Variants in ARAP2 observed in about 807,000 individuals in gnomAD.
The protein encoded by ARAP2 is ArfGAP with RhoGAP domain, ankyrin repeat and PH domain 2, also known as arf-GAP with Rho-GAP domain, ANK repeat and PH domain-containing protein 2.
In ARAP2, 148 loss-of-function variants were observed where a neutral mutation model predicts 194.5. The ratio of observed to expected loss-of-function variants is 0.76; its 90% CI spans 0.67 to 0.87. The LOEUF (loss-of-function observed/expected upper bound fraction) is 0.87, where lower values mean the gene tolerates loss of function less well. ARAP2 is among the 40% of genes least tolerant of loss of function. The pLI is 0.00. For missense variants in ARAP2, 2,128 were observed against 1,989.7 expected (o/e 1.07, Z -1.32); for synonymous variants, 695 against 683.5 (o/e 1.02, Z -0.26).
chr4:36,219,988 T>A (rs1238872276), intron 2 of ARAP2, among the ~76,000 whole-genome samples: 3 of 152,202 alleles, frequency 2.0e-5, no homozygotes, highest in African/African-American at 4.8e-5. Flanking sequence ...AAACCTTTTT[T>A]AAAAGCATCC....
intron 15 of ARAP2, 55 bp from the exon 16 acceptor site, chr4:36,151,099 T>C (rs1730864443): frequency 2.0e-6 from 3 of 1,478,426 alleles, no homozygotes; most frequent in African/African-American, 2.9e-5. Flanking sequence ...AATCCAATTT[T>C]AAAAACAAAA....
intron 5 of ARAP2, among the ~76,000 whole-genome samples, chr4:36,031,430 G>GGGAAAATA (rs1205840099): frequency 2.0e-5 from 3 of 152,002 alleles, no homozygotes; most frequent in Non-Finnish European, 4.4e-5. Flanking sequence ...TTACTGAACT[G>GGGAAAATA]GGAAAATAGG....
chr4:36,021,036 G>C (rs1014285231), intron 5 of ARAP2, among the ~76,000 whole-genome samples: 7 of 152,176 alleles, frequency 4.6e-5, no homozygotes, highest in Non-Finnish European at 1.5e-5. Context: ...AGAAAAATGA[G>C]AAGAAACAGT....
At chr4:36,175,956 C>T (rs77444171) in intron 9 of ARAP2, among the ~76,000 whole-genome samples, 3,723 of 152,202 alleles carry the variant, frequency 0.024, 76 homozygotes, top group Middle Eastern at 0.041. Flanking sequence ...TCTCAGTAAA[C>T]CCATCATTTT....
At chr4:36,069,961 G>C (rs1415020490) in intron 32 of ARAP2, among the ~76,000 whole-genome samples, 1 of 152,014 alleles carries the variant, frequency 6.6e-6, no homozygotes, top group Non-Finnish European at 1.5e-5. Flanking sequence ...TTCTGCTCCA[G>C]CCATGTAAGA....
chr4:36,079,035 A>G (rs1191784917), intron 31 of ARAP2, among the ~76,000 whole-genome samples: 1 of 151,868 alleles, frequency 6.6e-6, no homozygotes, highest in African/African-American at 2.4e-5. Context: ...TTAGCTGGGC[A>G]CGGTGGTGCA....
At chr4:36,122,365 AC>A (rs1216353372) in intron 22 of ARAP2, among the ~76,000 whole-genome samples, 3 of 151,774 alleles carry the variant, frequency 2.0e-5, no homozygotes, top group Non-Finnish European at 4.4e-5. Context: ...ATTAAATCAA[AC>A]CTAAATGCCC....
At chr4:36,234,502 A>C (rs187358338) in intron 1 of ARAP2, among the ~76,000 whole-genome samples, 1 of 152,310 alleles carries the variant, frequency 6.6e-6, no homozygotes, top group African/African-American at 2.4e-5. Context: ...CATTCAGACC[A>C]TAGCAAGTGT....
chr4:36,228,457 AG>A, intron 2 of ARAP2, 124 bp downstream of exon 2: 1 of 974,500 alleles, frequency 1.0e-6, no homozygotes, highest in South Asian at 2.1e-5. Context: ...TTAAAAGAAA[AG>A]GTTGGTTGAA....
At chr4:36,135,405 A>T (rs1281517958) in intron 19 of ARAP2, among the ~76,000 whole-genome samples, 1 of 151,808 alleles carries the variant, frequency 6.6e-6, no homozygotes, top group Non-Finnish European at 1.5e-5. Flanking sequence ...ACTCATTTTT[A>T]ACATCTGAAC....
intron 8 of ARAP2, among the ~76,000 whole-genome samples, chr4:36,014,095 G>A (rs1461683297): frequency 6.6e-6 from 1 of 151,720 alleles, no homozygotes. Flanking sequence ...GAGCATGGTG[G>A]TGAGTGCCTG....
At chr4:36,018,528 C>A (rs1172429794) in intron 6 of ARAP2, among the ~76,000 whole-genome samples, 1 of 150,942 alleles carries the variant, frequency 6.6e-6, no homozygotes, top group Non-Finnish European at 1.5e-5. Flanking sequence ...TTAATACATA[C>A]CTCCAGAACT....
intron 9 of ARAP2, among the ~76,000 whole-genome samples, chr4:36,169,536 T>C (rs1352512430): frequency 5.3e-5 from 8 of 151,364 alleles, no homozygotes; most frequent in Non-Finnish European, 7.4e-5. Context: ...AGATGACTTT[T>C]TTTTTTTTTT....
intron 6 of ARAP2, among the ~76,000 whole-genome samples, chr4:36,203,414 T>G (rs1005235407): frequency 2.6e-5 from 4 of 151,670 alleles, no homozygotes; most frequent in African/African-American, 9.7e-5. Context: ...AGAAACCCCC[T>G]CTCTACTAAA....
At chr4:36,223,669 C>T (rs1242011116) in intron 2 of ARAP2, among the ~76,000 whole-genome samples, 1 of 152,018 alleles carries the variant, frequency 6.6e-6, no homozygotes, top group African/African-American at 2.4e-5. Flanking sequence ...AAGGGTGGGG[C>T]CCTGTTCCAA....
At chr4:36,185,885 G>C (rs1740433740) in intron 8 of ARAP2, among the ~76,000 whole-genome samples, 1 of 151,722 alleles carries the variant, frequency 6.6e-6, no homozygotes, top group African/African-American at 2.4e-5. Context: ...GGCTGAGCCA[G>C]GACAATCGCT....
At chr4:36,046,181 TTCTC>T (rs146670949) in intron 4 of ARAP2, 15 of 151,964 alleles carry the variant, frequency 9.9e-5, no homozygotes, top group Admixed American at 7.3e-4. Context: ...CTGACCAGTA[TTCTC>T]TCTCTCTCTC....
At chr4:36,162,959 T>A (rs1734439317) in intron 11 of ARAP2, among the ~76,000 whole-genome samples, 1 of 152,088 alleles carries the variant, frequency 6.6e-6, no homozygotes, top group Non-Finnish European at 1.5e-5. Flanking sequence ...TGACCAAGAT[T>A]GAGAATATAT....
At chr4:36,163,832 A>G (rs762072465) in intron 11 of ARAP2, among the ~76,000 whole-genome samples, 1 of 152,248 alleles carries the variant, frequency 6.6e-6, no homozygotes, top group Non-Finnish European at 1.5e-5. Context: ...TGGAGAGAAG[A>G]AAAGGATGGG....
Sources: allele counts gnomAD v4.1 joint callset (sites outside exome capture counted in the v4.1 genomes callset), GRCh38; gene constraint gnomAD v4.1.1; transcripts MANE v1.5; gene names NCBI Gene and HGNC (gene_info 2026-07-23, HGNC 2026-07-21).